The following COL21A1 variants were observed in gnomAD, a reference collection of about 807,000 sequenced individuals.
COL21A1 encodes collagen alpha-1(XXI) chain.
A neutral mutation model predicts 137.9 loss-of-function variants in COL21A1; 149 were observed. The observed-to-expected ratio is 1.08, with a 90% CI of 0.95 to 1.24. The LOEUF (loss-of-function observed/expected upper bound fraction) is 1.24. Ranked by LOEUF, COL21A1 falls within the 50% of genes most tolerant of loss-of-function variation. COL21A1 has a pLI of 0.00. For synonymous variants in COL21A1, 456 were observed against 391.5 expected (o/e 1.16, Z -1.95); for missense variants, 1,167 against 1,158.4 (o/e 1.01, Z -0.11).
At chr6:56,071,920 T>A (rs1766791416) in intron 20 of COL21A1, among the ~76,000 whole-genome samples, 2 of 151,474 alleles carry the variant, frequency 1.3e-5, no homozygotes, top group Admixed American at 1.3e-4. Context: ...ATCACCTAGG[T>A]ATTAAGCCCA....
chr6:56,371,949 G>T (rs1272807203), intron 1 of COL21A1, among the ~76,000 whole-genome samples: 5 of 152,118 alleles, frequency 3.3e-5, no homozygotes, highest in African/African-American at 1.2e-4. Flanking sequence ...CTTGTGACTG[G>T]GTTGGACCCA....
chr6:56,155,369 T>C (rs979314553), intron 10 of COL21A1, among the ~76,000 whole-genome samples: 1 of 152,186 alleles, frequency 6.6e-6, no homozygotes, highest in African/African-American at 2.4e-5. Flanking sequence ...TCTTGTTTTT[T>C]AATTTCTTAG....
chr6:56,098,675 A>C (rs796873780), intron 17 of COL21A1, among the ~76,000 whole-genome samples: 1 of 61,208 alleles, frequency 1.6e-5, no homozygotes, highest in African/African-American at 5.9e-5. Context: ...AAATATATAT[A>C]TAAATATATA....
chr6:56,276,454 C>A, intron 1 of COL21A1: 2 of 634,064 alleles, frequency 3.2e-6, no homozygotes, highest in South Asian at 2.3e-5. Context: ...GTCTTTCTTT[C>A]TAATGTAAAA....
At chr6:56,103,903 T>C (rs1239715536) in intron 16 of COL21A1, among the ~76,000 whole-genome samples, 2 of 152,144 alleles carry the variant, frequency 1.3e-5, no homozygotes, top group African/African-American at 4.8e-5. Flanking sequence ...TTACAGAAGG[T>C]GCTGAGACTG....
intron 1 of COL21A1, among the ~76,000 whole-genome samples, chr6:56,203,650 G>A (rs4715591): frequency 0.75 from 113,701 of 152,098 alleles, 43,069 homozygotes; most frequent in East Asian, 0.86. Context: ...TAAAGACGAA[G>A]TCATTTGATT....
intron 1 of COL21A1, among the ~76,000 whole-genome samples, chr6:56,221,736 T>C (rs1780840335): frequency 6.6e-6 from 1 of 152,024 alleles, no homozygotes; most frequent in Non-Finnish European, 1.5e-5. Flanking sequence ...AAATAAAATA[T>C]TATAAAGACT....
intron 1 of COL21A1, among the ~76,000 whole-genome samples, chr6:56,330,573 G>A (rs984588330): frequency 2.0e-5 from 3 of 152,026 alleles, no homozygotes; most frequent in East Asian, 3.9e-4. Flanking sequence ...TTGCACAGTC[G>A]TGAAGTCTGG....
intron 14 of COL21A1, among the ~76,000 whole-genome samples, chr6:56,125,177 C>T (rs1182389236): frequency 2.6e-5 from 4 of 151,562 alleles, no homozygotes; most frequent in African/African-American, 7.3e-5. Context: ...CACACCACCA[C>T]GCCCAGCTAC....
intron 1 of COL21A1, among the ~76,000 whole-genome samples, chr6:56,195,789 C>A (rs1203370930): frequency 6.6e-6 from 1 of 152,050 alleles, no homozygotes; most frequent in African/African-American, 2.4e-5. Context: ...ATGATGAATT[C>A]TATTAGACTT....
At chr6:56,259,639 C>T (rs1344989509) in intron 1 of COL21A1, among the ~76,000 whole-genome samples, 1 of 152,226 alleles carries the variant, frequency 6.6e-6, no homozygotes, top group Non-Finnish European at 1.5e-5. Context: ...ATATAGTCTT[C>T]TCTGAATGCA....
At chr6:56,070,701 C>T in intron 21 of COL21A1, 44 bp downstream of exon 21, 1 of 1,327,514 alleles carries the variant, frequency 7.5e-7, no homozygotes, top group Admixed American at 2.4e-5. Flanking sequence ...GGGGAATTTA[C>T]ATTATAATTT....
chr6:56,377,280 C>T (rs186259373), intron 1 of COL21A1, among the ~76,000 whole-genome samples: 75 of 152,168 alleles, frequency 4.9e-4, no homozygotes, highest in Middle Eastern at 3.4e-3. Flanking sequence ...TGAGCCACCG[C>T]GCCCGGCCCG....
At chr6:56,213,939 G>T (rs1250513869) in intron 1 of COL21A1, among the ~76,000 whole-genome samples, 1 of 152,014 alleles carries the variant, frequency 6.6e-6, no homozygotes, top group Non-Finnish European at 1.5e-5. Context: ...TGACTGGAGG[G>T]TGACCCAAGT....
chr6:56,174,351 T>G (rs1188917147), intron 3 of COL21A1, among the ~76,000 whole-genome samples: 5 of 151,776 alleles, frequency 3.3e-5, no homozygotes, highest in Non-Finnish European at 4.4e-5. Flanking sequence ...ATAAATAAAA[T>G]AGAAAATGGA....
At chr6:56,250,050 T>C (rs1200798727), upstream of COL21A1, among the ~76,000 whole-genome samples, 2 of 152,212 alleles carry the variant, frequency 1.3e-5, no homozygotes, top group African/African-American at 4.8e-5. Flanking sequence ...ACTATTCTTG[T>C]CCTAAGTGAA....
upstream of COL21A1, among the ~76,000 whole-genome samples, chr6:56,251,741 C>T (rs1183070805): frequency 1.3e-5 from 2 of 152,186 alleles, no homozygotes; most frequent in African/African-American, 2.4e-5. Flanking sequence ...AAAACAGTGG[C>T]CATTCACAAA....
intron 12 of COL21A1, among the ~76,000 whole-genome samples, chr6:56,126,954 A>T (rs1445851023): frequency 1.3e-5 from 2 of 152,180 alleles, no homozygotes; most frequent in Non-Finnish European, 2.9e-5. Context: ...AAAGTTATTG[A>T]TTCATATGAT....
intron 1 of COL21A1, among the ~76,000 whole-genome samples, chr6:56,338,555 T>C (rs1765389036): frequency 6.6e-6 from 1 of 152,174 alleles, no homozygotes; most frequent in South Asian, 2.1e-4. Flanking sequence ...CAGTGTCCAA[T>C]GGACCAAGTG....
Sources: gnomAD v4.1 joint callset for allele counts (sites outside exome capture counted in the v4.1 genomes callset) on GRCh38, gnomAD v4.1.1 for gene constraint, MANE v1.5 for transcripts, NCBI Gene and HGNC (gene_info 2026-07-23, HGNC 2026-07-21) for gene names.